Variants in CKM observed in about 807,000 individuals in gnomAD.
The protein encoded by CKM is creatine kinase M-type.
A neutral mutation model predicts 35.4 loss-of-function variants in CKM; 28 were observed. The observed-to-expected ratio is 0.79, with a 90% CI of 0.59 to 1.08. The LOEUF (loss-of-function observed/expected upper bound fraction) is 1.08. Among genes scored for constraint, CKM ranks in the 50% least tolerant of loss-of-function variants. CKM has a pLI of 0.00. For synonymous variants in CKM, 215 were observed against 204.4 expected, an observed-to-expected ratio of 1.05 and a Z score of -0.44; for missense variants, 484 against 509.8, an observed-to-expected ratio of 0.95 and a Z score of 0.49.
intron 1 of CKM, among the ~76,000 whole-genome samples, chr19:45,320,798 G>A (rs879822642): frequency 6.6e-6 from 1 of 152,144 alleles, no homozygotes; most frequent in East Asian, 1.9e-4. Flanking sequence ...AGCACTTGCC[G>A]CATGGGAGTG....
intron 4 of CKM, 107 bp from the exon 5 acceptor site, chr19:45,312,027 C>G: frequency 1.6e-6 from 2 of 1,289,028 alleles, no homozygotes; most frequent in Non-Finnish European, 2.2e-6. Flanking sequence ...GGGCCTTGGC[C>G]CCCTGGATGT....
rs1971175964 is a variant in CKM at position 45,317,987 on chromosome 19, G to A, written c.194-8C>T. 6.2e-7 allele frequency: 1 copy of A among 1,613,656 alleles called. No homozygotes were observed. Among genetic ancestry groups the A allele is most frequent in the Admixed American group, 1.7e-5 (1 of 59,968 alleles). ...TCATGATGAAGGGGTGACCTGGAGG[G>A]GTGGGGGTGAGGTCAGAGCTGCTTG... is the stretch of plus-strand genomic sequence containing the variant. On this transcript the variant is annotated splice_region_variant and splice_polypyrimidine_tract_variant and intron_variant, in intron 2 of 7. Transcript: ENST00000221476.
rs1044798055 is a variant in CKM at position 45,315,603 on chromosome 19, G to A, written c.349-6C>T. On this transcript the variant is annotated splice_polypyrimidine_tract_variant and splice_region_variant and intron_variant, in intron 3 of 7. Transcript: ENST00000221476. Reference sequence around the variant, plus strand: ...GGGTCCAGGTCGTCTCCACCCTGGAGAGCGGGTGGGAGATCAGGACCAGGC... The same window carrying A: ...GGGTCCAGGTCGTCTCCACCCTGGAAAGCGGGTGGGAGATCAGGACCAGGC... 7.5e-6 allele frequency: 12 copies of A among 1,602,708 alleles called. No individual in the cohort carries two copies. Among genetic ancestry groups the A allele is most frequent in the Non-Finnish European group, 1.0e-5 (12 of 1,179,900 alleles).
intron 5 of CKM, among the ~76,000 whole-genome samples, chr19:45,310,744 C>T (rs181910113): frequency 2.1e-5 from 3 of 140,470 alleles, no homozygotes; most frequent in East Asian, 2.1e-4. Flanking sequence ...CACAGGTATA[C>T]GCCATCACGC....
Position 45,317,895 on chromosome 19 carries a change from A to T in CKM, c.278T>A (p.Ile93Asn), listed in dbSNP as rs1286274268. ...TTTGTAGCCCCCGTGGCGATCCGAG[A>T]TGATGGGGTCAAAGAGTTCCTTGAA... ...EVFKELFDPI[I>N]SDRHGGYKPT... The change falls in exon 3 of 8, where the codon ATC (isoleucine) becomes AAC (asparagine). Residue 93 changes from isoleucine to asparagine, a missense_variant. Coordinates refer to ENST00000221476, the MANE Select transcript of CKM (RefSeq NM_001824.5). 7 of 1,613,764 alleles carry T rather than the reference A, an allele frequency of 4.3e-6. No individual in the cohort carries two copies. Among genetic ancestry groups the T allele is most frequent in the Non-Finnish European group, 5.9e-6 (7 of 1,179,970 alleles).
Position 45,315,447 on chromosome 19 carries a change from C to T in CKM, c.481+18G>A, listed in dbSNP as rs199549713. On this transcript the variant is annotated intron_variant, in intron 4 of 7. Coordinates refer to ENST00000221476, the MANE Select transcript of CKM (RefSeq NM_001824.5). ...AGGGCTGGGTGACCCCAGCAGTGGA[C>T]GGGGTAGGGGCGCTCACCTTCCACA... is the stretch of plus-strand genomic sequence containing the variant. The T allele has an allele frequency of 3.8e-6, 6 of 1,597,322 alleles. No individual in the cohort carries two copies. The highest frequency in any genetic ancestry group is 1.3e-5 in the African/African-American group (1 of 74,994).
At chr19:45,309,304 C>A (rs1483876205) in intron 5 of CKM, among the ~76,000 whole-genome samples, 1 of 151,772 alleles carries the variant, frequency 6.6e-6, no homozygotes, top group East Asian at 1.9e-4. Context: ...CCTGTAATCC[C>A]AGCACTTTGG....
chr19:45,318,561 C>T (rs1460109283), intron 2 of CKM, among the ~76,000 whole-genome samples: 1 of 152,010 alleles, frequency 6.6e-6, no homozygotes, highest in Non-Finnish European at 1.5e-5. Context: ...TCAGAGGGTA[C>T]ATGGTGCTAA....
chr19:45,321,140 G>C (rs1471816310), intron 1 of CKM, among the ~76,000 whole-genome samples: 1 of 151,472 alleles, frequency 6.6e-6, no homozygotes, highest in South Asian at 2.1e-4. Context: ...CTGAACTCAA[G>C]TGATCCGCCC....
In CKM at chr19:45,306,718, G is replaced by A. The variant is rs1819636029; in HGVS notation, c.*32C>T. 1 of 1,612,454 alleles carries A rather than the reference G, an allele frequency of 6.2e-7. No individual in the cohort carries two copies. ...TGGGCCAGGCCCTCCCACTGGCTGGGTTCCAGCAGTCGGTGGCAGGTGGGC... is the reference window on the plus strand; with the variant it reads ...TGGGCCAGGCCCTCCCACTGGCTGGATTCCAGCAGTCGGTGGCAGGTGGGC... On this transcript the variant is annotated 3_prime_UTR_variant, in exon 8 of 8. Transcript: ENST00000221476. The surrounding 1 kb of genome is among the most constrained non-coding windows in gnomAD (Gnocchi z 4.5).
intron 5 of CKM, among the ~76,000 whole-genome samples, chr19:45,310,914 G>A (rs1971102658): frequency 6.7e-6 from 1 of 149,270 alleles, no homozygotes; most frequent in Admixed American, 6.7e-5. Context: ...GGGACTACAG[G>A]CGCCTGCCAC....
chr19:45,315,849 C>CTTTTTT lies in CKM; in HGVS notation c.349-258_349-253dup, dbSNP rs376961493. Among the ~76,000 whole-genome samples, 156 of 135,658 alleles carry CTTTTTT rather than the reference C, an allele frequency of 1.1e-3. 3 individuals are homozygous for CTTTTTT. Among genetic ancestry groups the CTTTTTT allele is most frequent in the Middle Eastern group, 3.8e-3 (1 of 260 alleles). 89.0% of individuals were successfully genotyped at this position (135,658 alleles called of 152,430 possible). ...TCCCCATCTTCGTATATTTCTTTTC[C>CTTTTTT]TTTTTTTTCTTCGAGACAGGGTCTC... On this transcript the variant is annotated intron_variant, in intron 3 of 7. Transcript: ENST00000221476.
At position 45,316,896 on chromosome 19, in the gene CKM, AG is replaced by A. The variant is rs1254710170; in HGVS notation, c.348+928del. ...GAGACTGGGTTTCACCGTGTTGGTC[AG>A]GCTGGTCTCGAACTCCTGACCTTAT... On this transcript the variant is annotated intron_variant, in intron 3 of 7. Transcript: ENST00000221476. Among the ~76,000 whole-genome samples, 13 of 151,770 alleles carry A rather than the reference AG, an allele frequency of 8.6e-5. No homozygotes were observed. The East Asian group carries it at 1.4e-3, about 16-fold the overall frequency.
In CKM at chr19:45,315,607, G is replaced by T; in HGVS notation, c.349-10C>A. ...CCAGGTCGTCTCCACCCTGGAGAGC[G>T]GGTGGGAGATCAGGACCAGGCAGAT... On this transcript the variant is annotated splice_polypyrimidine_tract_variant and intron_variant, in intron 3 of 7. Coordinates refer to ENST00000221476, the MANE Select transcript of CKM (RefSeq NM_001824.5). The T allele has an allele frequency of 1.9e-6, 3 of 1,602,664 alleles. No individual in the cohort carries two copies. The highest frequency in any genetic ancestry group is 1.7e-6 in the Non-Finnish European group (2 of 1,179,892).
At chr19:45,322,036 G>A (rs1255987541) in intron 1 of CKM, among the ~76,000 whole-genome samples, 1 of 152,056 alleles carries the variant, frequency 6.6e-6, no homozygotes, top group South Asian at 2.1e-4. Context: ...CCGGGGCTCG[G>A]CTTGCACCAA....
chr19:45,308,956 G>A (rs1025954993), intron 5 of CKM, among the ~76,000 whole-genome samples: 3 of 152,018 alleles, frequency 2.0e-5, no homozygotes, highest in Non-Finnish European at 2.9e-5. Flanking sequence ...GGCTGGGTGC[G>A]GTGGCTCACG....
In CKM at chr19:45,319,435, C is replaced by CT. The variant is rs543552195; in HGVS notation, c.193+85_193+86insA. 9.1e-5 allele frequency: 95 copies of CT among 1,047,164 alleles called. 1 individual carries two copies. The East Asian group carries it at 1.7e-3, about 19-fold the overall frequency. The allele number at this position is 1,047,164 out of a possible 1,614,324, so 64.9% of individuals were successfully genotyped here. The stretch of plus-strand genomic sequence containing the variant: ...AGATGAGAAAACTGAGGCCCCCCCC[C>CT]CTTCAAGGGTGGTGGGATTGGGGCA... On this transcript the variant is annotated intron_variant, in intron 2 of 7. Transcript: ENST00000221476.
Position 45,306,958 on chromosome 19 carries a change from A to G in CKM, c.968-30T>C, listed in dbSNP as rs745667054. On this transcript the variant is annotated intron_variant, in intron 7 of 7. Coordinates refer to ENST00000221476, the MANE Select transcript of CKM (RefSeq NM_001824.5). The surrounding 1 kb of genome is among the most constrained non-coding windows in gnomAD (Gnocchi z 4.5). The stretch of plus-strand genomic sequence containing the variant: ...GGGAGCAAGGGACAGGGGCGTGAAG[A>G]GGCAGCGAAGGTGCAGAGGGGCTGG... 2 of 1,610,710 alleles carry G rather than the reference A, an allele frequency of 1.2e-6. No individual in the cohort carries two copies. Among genetic ancestry groups the G allele is most frequent in the African/African-American group, 1.3e-5 (1 of 74,922 alleles).
chr19:45,307,674 G>A (rs753918375), intron 6 of CKM, 24 bp from the exon 7 acceptor site: 3 of 1,608,992 alleles, frequency 1.9e-6, no homozygotes, highest in Non-Finnish European at 2.5e-6. Flanking sequence ...AGAGGACCAG[G>A]GGTCAGCGCC....
Sources: allele counts gnomAD v4.1 joint callset (sites outside exome capture counted in the v4.1 genomes callset), GRCh38; gene constraint gnomAD v4.1.1; non-coding constraint Gnocchi (gnomAD v3.1); transcripts MANE v1.5; gene names NCBI Gene and HGNC (gene_info 2026-07-23, HGNC 2026-07-21).